Variants in KAT14 observed in about 807,000 individuals in gnomAD.
The protein encoded by KAT14 is lysine acetyltransferase 14.
Under a neutral mutation model 78.4 loss-of-function variants are expected in KAT14, and 66 were observed. The observed-to-expected ratio is 0.84, with a 90% CI of 0.69 to 1.03. The LOEUF (loss-of-function observed/expected upper bound fraction) is 1.03, where lower values mean the gene tolerates loss of function less well. Ranked by LOEUF, KAT14 falls within the 50% of genes least tolerant of loss-of-function variation. KAT14 has a pLI of 0.00. For missense variants in KAT14, 870 were observed against 972.5 expected, an observed-to-expected ratio of 0.89 and a Z score of 1.40; for synonymous variants, 344 against 359.4, an observed-to-expected ratio of 0.96 and a Z score of 0.48.
intron 7 of KAT14, among the ~76,000 whole-genome samples, chr20:18,175,725 T>C (rs553343227): frequency 5.3e-5 from 8 of 151,810 alleles, no homozygotes; most frequent in Non-Finnish European, 1.0e-4. Context: ...GTCAAGTACA[T>C]AACATACACC....
In KAT14 at chr20:18,157,174, A is replaced by G. The variant is rs566845597; in HGVS notation, c.501-1910A>G. On this transcript the variant is annotated intron_variant, in intron 4 of 10. Coordinates refer to ENST00000688188, the MANE Select transcript of KAT14 (RefSeq NM_001392073.1). ...ACCCGTTTTCGACACAGTAAATAAC[A>G]CATTGGTTTTTAAAATCTTTTGAGT... Among the ~76,000 whole-genome samples, 87 of 152,158 alleles carry G rather than the reference A, an allele frequency of 5.7e-4. 1 individual carries two copies. The highest frequency in any genetic ancestry group is 1.1e-3 in the Non-Finnish European group (75 of 68,036).
intron 10 of KAT14, among the ~76,000 whole-genome samples, chr20:18,186,623 A>T (rs970998987): frequency 1.3e-5 from 2 of 152,234 alleles, no homozygotes; most frequent in Non-Finnish European, 2.9e-5. Flanking sequence ...TACTCTGTGT[A>T]GCTGATTAAA....
chr20:18,173,338 G>A (rs917276007), intron 7 of KAT14, among the ~76,000 whole-genome samples: 8 of 152,222 alleles, frequency 5.3e-5, no homozygotes, highest in Admixed American at 4.6e-4. Context: ...CTCTGCTCCC[G>A]TGTGCTGTGA....
Position 18,185,988 on chromosome 20 carries a change from C to T in KAT14, c.2172+1196C>T, listed in dbSNP as rs373249084. ...GTTATTTCTACAACACTCCCTTTCT[C>T]TGCCCCATCCCAACCAAGAGTTGAT... On this transcript the variant is annotated intron_variant, in intron 10 of 10. Coordinates refer to ENST00000688188, the MANE Select transcript of KAT14 (RefSeq NM_001392073.1). 1.7e-4 allele frequency among the ~76,000 whole-genome samples: 26 copies of T among 152,326 alleles called. 3 individuals carry two copies. Among genetic ancestry groups the T allele is most frequent in the East Asian group, 1.3e-3 (7 of 5,190 alleles).
chr20:18,163,556 G>A (rs1374114303), intron 7 of KAT14, among the ~76,000 whole-genome samples: 1 of 152,200 alleles, frequency 6.6e-6, no homozygotes, highest in African/African-American at 2.4e-5. Context: ...TTGCTAATTG[G>A]CTGGCTGTAA....
At position 18,187,337 on chromosome 20, in the gene KAT14, A is replaced by G; in HGVS notation, c.2224A>G (p.Met742Val). ...TCACGTCTCAGCAAGCAACCCCGCT[A>G]TGCTACTGTACCAGAAGTTTGGATT... ...TLHVSASNPA[M>V]LLYQKFGFKT... is the part of the protein sequence containing the mutation. The change falls in exon 11 of 11, where the codon ATG becomes GTG. Residue 742 changes from methionine to valine, a missense_variant. Physicochemically the swap from Met to Val is conservative, Grantham distance 21. Coordinates refer to ENST00000688188, the MANE Select transcript of KAT14 (RefSeq NM_001392073.1). 1 of 1,614,108 alleles carries G rather than the reference A, an allele frequency of 6.2e-7. No individual in the cohort carries two copies. Among genetic ancestry groups the G allele is most frequent in the South Asian group, 1.1e-5 (1 of 91,026 alleles).
At chr20:18,144,581 C>T (rs1868870024) in intron 2 of KAT14, among the ~76,000 whole-genome samples, 1 of 152,210 alleles carries the variant, frequency 6.6e-6, no homozygotes, top group African/African-American at 2.4e-5. Flanking sequence ...TATTTACCCT[C>T]ACACTGCCCT....
intron 7 of KAT14, among the ~76,000 whole-genome samples, chr20:18,172,205 G>A (rs992497310): frequency 6.6e-5 from 10 of 151,358 alleles, no homozygotes; most frequent in African/African-American, 2.2e-4. Flanking sequence ...GGGTTCAAGC[G>A]ATTCTTCTGC....
chr20:18,166,284 A>C (rs1432990387), intron 7 of KAT14, among the ~76,000 whole-genome samples: 1 of 152,158 alleles, frequency 6.6e-6, no homozygotes, highest in Non-Finnish European at 1.5e-5. Flanking sequence ...GGGACCTCAC[A>C]ATCTTAAACT....
chr20:18,138,324 T>G, intron 1 of KAT14: 1 of 1,146,346 alleles, frequency 8.7e-7, no homozygotes. Flanking sequence ...GAAGGGGCCT[T>G]GCTCCGCACA....
intron 7 of KAT14, among the ~76,000 whole-genome samples, chr20:18,166,613 C>CT (rs2038650089): frequency 1.3e-5 from 2 of 152,236 alleles, no homozygotes; most frequent in South Asian, 4.1e-4. Context: ...TACACTATGT[C>CT]TGCCCCTTGG....
chr20:18,145,121 GAAGAA>G (rs1225484999), intron 2 of KAT14, 107 bp from the exon 3 acceptor site: 22 of 1,440,198 alleles, frequency 1.5e-5, no homozygotes, highest in Non-Finnish European at 2.0e-5. Context: ...TGGGTTGGCT[GAAGAA>G]AAGAAGACAA....
intron 7 of KAT14, among the ~76,000 whole-genome samples, chr20:18,176,215 C>G (rs1381870938): frequency 6.7e-6 from 1 of 150,138 alleles, no homozygotes; most frequent in African/African-American, 2.5e-5. Context: ...GCAGGAGAAT[C>G]GCTTGAATCT....
At chr20:18,180,906 G>A (rs1431737253) in intron 7 of KAT14, among the ~76,000 whole-genome samples, 1 of 152,156 alleles carries the variant, frequency 6.6e-6, no homozygotes, top group Non-Finnish European at 1.5e-5. Flanking sequence ...GGTTTGTCTG[G>A]GAACACAGAG....
chr20:18,187,524 G>A lies in KAT14; in HGVS notation c.*65G>A. ...GAACAGGTCTTTGTGGAGATCTAAA[G>A]GCAGTGATTGATTTCACAGGGAGCT... On this transcript the variant is annotated 3_prime_UTR_variant, in exon 11 of 11. Coordinates refer to ENST00000688188, the MANE Select transcript of KAT14 (RefSeq NM_001392073.1). The A allele has an allele frequency of 1.3e-6, 2 of 1,595,912 alleles. No homozygotes were observed. The highest frequency in any genetic ancestry group is 1.7e-4 in the Middle Eastern group (1 of 6,004).
intron 7 of KAT14, among the ~76,000 whole-genome samples, chr20:18,177,441 G>A (rs1170926997): frequency 6.6e-6 from 1 of 152,186 alleles, no homozygotes; most frequent in African/African-American, 2.4e-5. Flanking sequence ...AGCTTCAGTG[G>A]GTGGGGAAAT....
chr20:18,138,532 C>A, intron 1 of KAT14: 1 of 874,314 alleles, frequency 1.1e-6, no homozygotes, highest in Non-Finnish European at 1.4e-6. Context: ...ATGTGTTTTA[C>A]GTGCTATTGA....
chr20:18,183,488 A>C (rs535811273), intron 9 of KAT14, 190 bp downstream of exon 9: 21 of 982,520 alleles, frequency 2.1e-5, no homozygotes, highest in South Asian at 1.4e-4. Flanking sequence ...GCCAGCAATA[A>C]ACAGTGTTTT....
At position 18,187,316 on chromosome 20, in the gene KAT14, G is replaced by A. The variant is rs370726181; in HGVS notation, c.2203G>A (p.Val735Ile). 7.4e-6 allele frequency: 12 copies of A among 1,612,720 alleles called. No homozygotes were observed. The highest frequency in any genetic ancestry group is 1.6e-4 in the Middle Eastern group (1 of 6,082). Residue 735 changes from valine to isoleucine, a missense_variant, in exon 11 of 11, where the codon GTC (valine) becomes ATC (isoleucine). Coordinates refer to ENST00000688188, the MANE Select transcript of KAT14 (RefSeq NM_001392073.1). Reference protein sequence around the residue: ...TCMGKDVTLHVSASNPAMLLY... With the variant: ...TCMGKDVTLHISASNPAMLLY... ...CATGGGCAAGGACGTAACCCTTCAC[G>A]TCTCAGCAAGCAACCCCGCTATGCT... is the stretch of plus-strand genomic sequence containing the variant.
Sources: allele counts gnomAD v4.1 joint callset (sites outside exome capture counted in the v4.1 genomes callset), GRCh38; gene constraint gnomAD v4.1.1; transcripts MANE v1.5; gene names NCBI Gene and HGNC (gene_info 2026-07-23, HGNC 2026-07-21).